The following SLC17A8 variants were observed in gnomAD, a reference collection of about 807,000 sequenced individuals.
The protein encoded by SLC17A8 is vesicular glutamate transporter 3.
A neutral mutation model predicts 58.0 loss-of-function variants in SLC17A8; 31 were observed. The observed-to-expected ratio is 0.53, with a 90% CI of 0.40 to 0.72. The LOEUF (loss-of-function observed/expected upper bound fraction) is 0.72, where lower values mean the gene tolerates loss of function less well. Among genes scored for constraint, SLC17A8 ranks in the 30% least tolerant of loss-of-function variants. The pLI is 0.00. For synonymous variants in SLC17A8, 228 were observed against 249.0 expected (o/e 0.92, Z 0.79); for missense variants, 655 against 727.8 (o/e 0.90, Z 1.15).
chr12:100,393,524 A>T (rs1051255370), intron 4 of SLC17A8, 41 bp downstream of exon 4: 2 of 1,409,416 alleles, frequency 1.4e-6, no homozygotes. Context: ...ATTGCTAGAG[A>T]CAGCGCAGTC....
intron 1 of SLC17A8, among the ~76,000 whole-genome samples, chr12:100,364,414 G>A (rs962440786): frequency 1.3e-5 from 2 of 152,166 alleles, no homozygotes; most frequent in Non-Finnish European, 2.9e-5. Flanking sequence ...CATCTCAGGG[G>A]CTCAGCATTA....
chr12:100,358,655 C>T (rs1278724433), intron 1 of SLC17A8, among the ~76,000 whole-genome samples: 1 of 152,146 alleles, frequency 6.6e-6, no homozygotes, highest in African/African-American at 2.4e-5. Context: ...CAGCATAAAC[C>T]AGCCAAATAT....
At chr12:100,374,955 A>G (rs1363394377) in intron 1 of SLC17A8, among the ~76,000 whole-genome samples, 1 of 151,886 alleles carries the variant, frequency 6.6e-6, no homozygotes, top group Non-Finnish European at 1.5e-5. Flanking sequence ...TGGAGCCCAC[A>G]GCTCCTTCTT....
At position 100,357,409 on chromosome 12, in the gene SLC17A8, T is replaced by C; in HGVS notation, c.18T>C (p.Phe6=). The C allele has an allele frequency of 6.2e-7, 1 of 1,610,820 alleles. No homozygotes were observed. The change falls in exon 1 of 12, where the codon TTT becomes TTC. Residue 6 remains phenylalanine (F), a synonymous_variant. Transcript: ENST00000323346. MPFKA[F]DTFKEKILKP... is the part of the protein sequence containing the mutation. ...CATTCAAAATGCCTTTTAAAGCATT[T>C]GATACCTTCAAAGAAAAAATTCTGA...
At position 100,421,626 on chromosome 12, in the gene SLC17A8, A is replaced by G. The variant is rs1464165066; in HGVS notation, c.*1467A>G. 4 of 148,190 alleles carry G rather than the reference A, an allele frequency of 2.7e-5. No homozygotes were observed. Among genetic ancestry groups the G allele is most frequent in the African/African-American group, 1.0e-4 (4 of 39,714 alleles). The allele number at this position is 148,190 out of a possible 1,614,324, so 9.2% of individuals were successfully genotyped here. ...AGAAAAATATAATACGGAAAAAATTATAGATTTACTTGTAGCTTATTATTG... is the reference window on the plus strand; with the variant it reads ...AGAAAAATATAATACGGAAAAAATTGTAGATTTACTTGTAGCTTATTATTG... On this transcript the variant is annotated 3_prime_UTR_variant, in exon 12 of 12. Transcript: ENST00000323346.
In SLC17A8 at chr12:100,396,404, A is replaced by G. The variant is rs1361458760; in HGVS notation, c.663A>G (p.Thr221=). The change falls in exon 5 of 12, where the codon ACA becomes ACG. Residue 221 remains threonine, a synonymous_variant. Transcript: ENST00000323346. ...APPLERSRLA[T]TSFCGSYAGA... ...CTTTGGAGAGAAGCCGACTGGCCACAACCTCTTTTTGTGGTGGGTATATTA... is the reference window on the plus strand; with the variant it reads ...CTTTGGAGAGAAGCCGACTGGCCACGACCTCTTTTTGTGGTGGGTATATTA... 32 of 1,613,930 alleles carry G rather than the reference A, an allele frequency of 2.0e-5. No homozygotes were observed. Among genetic ancestry groups the G allele is most frequent in the Non-Finnish European group, 2.6e-5 (31 of 1,179,954 alleles).
chr12:100,364,047 C>CAAAA lies in SLC17A8; in HGVS notation c.101+6574_101+6577dup, dbSNP rs3057169. ...TGGGTGATAGAACAAGATTCCATCT[C>CAAAA]AAAAAAAAAAAAAAAAAAAAAAGCT... On this transcript the variant is annotated intron_variant, in intron 1 of 11. Transcript: ENST00000323346. Among the ~76,000 whole-genome samples the CAAAA allele has an allele frequency of 6.5e-3, 342 of 52,798 alleles. 15 individuals are homozygous for CAAAA. The highest frequency in any genetic ancestry group is 0.018 in the African/African-American group (280 of 15,560). 34.6% of individuals were successfully genotyped at this position (52,798 alleles called of 152,430 possible).
intron 5 of SLC17A8, among the ~76,000 whole-genome samples, chr12:100,401,463 G>C (rs1486873755): frequency 6.6e-6 from 1 of 151,994 alleles, no homozygotes; most frequent in Non-Finnish European, 1.5e-5. Context: ...GCGCCTGGTT[G>C]AATTTTCAAA....
rs1952453310 is a variant in SLC17A8, at chr12:100,357,336, A to G, written c.-56A>G. 2 of 975,642 alleles carry G rather than the reference A, an allele frequency of 2.0e-6. No homozygotes were observed. The highest frequency in any genetic ancestry group is 3.3e-6 in the Non-Finnish European group (2 of 597,438). The allele number at this position is 975,642 out of a possible 1,614,324, so 60.4% of individuals were successfully genotyped here. ...GTGGTTCTCACACTGGAAATGAGGA[A>G]GGATGACAGTTTTTGAGACTGACTG... On this transcript the variant is annotated 5_prime_UTR_variant, in exon 1 of 12. Coordinates refer to ENST00000323346, the MANE Select transcript of SLC17A8 (RefSeq NM_139319.3).
At chr12:100,367,545 TTTTATTTA>T (rs993190862) in intron 1 of SLC17A8, among the ~76,000 whole-genome samples, 2 of 152,134 alleles carry the variant, frequency 1.3e-5, no homozygotes, top group African/African-American at 2.4e-5. Flanking sequence ...TTTTTTATTC[TTTTATTTA>T]TTTATTTATT....
In SLC17A8 at chr12:100,412,839, T is replaced by G. The variant is rs544187405; in HGVS notation, c.1256T>G (p.Phe419Cys). The G allele has an allele frequency of 1.2e-6, 2 of 1,614,178 alleles. No homozygotes were observed. Among genetic ancestry groups the G allele is most frequent in the African/African-American group, 2.7e-5 (2 of 75,044 alleles). Residue 419 changes from phenylalanine (F) to cysteine (C), a missense_variant, in exon 10 of 12, where the codon TTT (phenylalanine) becomes TGT (cysteine). Coordinates refer to ENST00000323346, the MANE Select transcript of SLC17A8 (RefSeq NM_139319.3). ...CATACCAAAGGGGTGGCTATCTCCT[T>G]TCTGGTACTTGCTGTAGGATTTAGT... ...FSHTKGVAIS[F>C]LVLAVGFSGF... is the part of the protein sequence containing the mutation.
At chr12:100,386,343 A>G (rs1341745119) in intron 2 of SLC17A8, among the ~76,000 whole-genome samples, 1 of 152,184 alleles carries the variant, frequency 6.6e-6, no homozygotes, top group African/African-American at 2.4e-5. Flanking sequence ...TACTGTTTTA[A>G]TAAAGTTTTT....
At position 100,413,027 on chromosome 12, in the gene SLC17A8, G is replaced by C; in HGVS notation, c.1297+147G>C. The C allele has an allele frequency of 5.5e-6, 4 of 723,418 alleles. No individual in the cohort carries two copies. In the South Asian group the frequency reaches 6.0e-5, roughly 11 times the overall value. The allele number at this position is 723,418 out of a possible 1,614,324, so 44.8% of individuals were successfully genotyped here. A position where few individuals can be genotyped will look rare whatever the true frequency, so the allele number is the denominator to read the frequency against. ...CACCGTCCAGAGAATGTGATCTAGT[G>C]GGGGTGATTTTGTAAGATCACTGAG... On this transcript the variant is annotated intron_variant, in intron 10 of 11. Transcript: ENST00000323346.
chr12:100,366,656 G>A (rs1209293786), intron 1 of SLC17A8, among the ~76,000 whole-genome samples: 1 of 152,154 alleles, frequency 6.6e-6, no homozygotes, highest in Non-Finnish European at 1.5e-5. Context: ...GGAACCTTCG[G>A]TCTTCTCCTT....
At chr12:100,388,623 G>C (rs1350337682) in intron 2 of SLC17A8, among the ~76,000 whole-genome samples, 1 of 152,204 alleles carries the variant, frequency 6.6e-6, no homozygotes, top group Non-Finnish European at 1.5e-5. Context: ...TATTTACACT[G>C]TCCAGCACCT....
chr12:100,382,166 G>C (rs927666914), intron 2 of SLC17A8, among the ~76,000 whole-genome samples: 1 of 152,160 alleles, frequency 6.6e-6, no homozygotes, highest in African/African-American at 2.4e-5. Context: ...TAAATAGGGG[G>C]CTGATCATCC....
At chr12:100,364,672 A>C (rs576908930) in intron 1 of SLC17A8, among the ~76,000 whole-genome samples, 1 of 152,218 alleles carries the variant, frequency 6.6e-6, no homozygotes, top group Non-Finnish European at 1.5e-5. Flanking sequence ...CCACTCATAG[A>C]TTGATCCACA....
chr12:100,412,972 A>G, intron 10 of SLC17A8, 92 bp downstream of exon 10: 2 of 980,024 alleles, frequency 2.0e-6, no homozygotes, highest in Non-Finnish European at 1.7e-6. Context: ...ACCTTCTTTC[A>G]GTAGCCAGTC....
chr12:100,417,745 G>A (rs1277771328), intron 10 of SLC17A8, among the ~76,000 whole-genome samples: 1 of 152,158 alleles, frequency 6.6e-6, no homozygotes, highest in African/African-American at 2.4e-5. Context: ...TCAATATTGT[G>A]CCAAACACCG....
Sources: gnomAD v4.1 joint callset for allele counts (sites outside exome capture counted in the v4.1 genomes callset) on GRCh38, gnomAD v4.1.1 for gene constraint, MANE v1.5 for transcripts, NCBI Gene and HGNC (gene_info 2026-07-23, HGNC 2026-07-21) for gene names.